Variants in SEMA5B observed in about 807,000 individuals in gnomAD.
SEMA5B encodes the protein semaphorin 5B, also known as semaphorin-5B.
SEMA5B carries 66 observed loss-of-function variants against 135.0 expected under a neutral mutation model. The observed-to-expected ratio is 0.49, with a 90% CI of 0.40 to 0.60. SEMA5B has a LOEUF of 0.60. SEMA5B is among the 20% of genes least tolerant of loss of function. The pLI is 0.00. For missense variants in SEMA5B, 1,501 were observed against 1,566.3 expected (o/e 0.96, Z 0.70); for synonymous variants, 690 against 639.5 (o/e 1.08, Z -1.19).
At chr3:122,961,444 C>T in intron 1 of SEMA5B, 143 bp from the exon 2 acceptor site, 2 of 751,184 alleles carry the variant, frequency 2.7e-6, no homozygotes, top group Non-Finnish European at 4.1e-6. Context: ...CAAATCACCA[C>T]AGTAATGGCT....
chr3:122,949,301 T>C (rs1004783459), intron 2 of SEMA5B, among the ~76,000 whole-genome samples: 5 of 152,160 alleles, frequency 3.3e-5, no homozygotes, highest in Admixed American at 1.3e-4. Context: ...ATCAAAATCA[T>C]AAGGAAAATG....
chr3:122,968,827 C>T (rs902271920), intron 1 of SEMA5B, among the ~76,000 whole-genome samples: 2 of 152,188 alleles, frequency 1.3e-5, no homozygotes, highest in Non-Finnish European at 1.5e-5. Context: ...AGCCAACATT[C>T]AAGGGTCCTA....
intron 1 of SEMA5B, among the ~76,000 whole-genome samples, chr3:123,017,925 A>G (rs917651903): frequency 6.6e-6 from 1 of 152,096 alleles, no homozygotes; most frequent in African/African-American, 2.4e-5. Flanking sequence ...AAAAGAAAAA[A>G]AAAAAAAAGG....
At chr3:122,928,800 C>T (rs758148113) in intron 6 of SEMA5B, among the ~76,000 whole-genome samples, 185 bp from the exon 7 acceptor site, 7 of 152,224 alleles carry the variant, frequency 4.6e-5, no homozygotes, top group East Asian at 1.9e-4. Flanking sequence ...GTCATTTCTC[C>T]GCATCACTGC....
At chr3:122,934,511 G>C (rs1939150776) in intron 5 of SEMA5B, among the ~76,000 whole-genome samples, 2 of 152,196 alleles carry the variant, frequency 1.3e-5, no homozygotes, top group South Asian at 4.1e-4. Context: ...TATAGGACAA[G>C]TGACGAGGTT....
At chr3:122,976,712 T>C (rs1394206938) in intron 1 of SEMA5B, among the ~76,000 whole-genome samples, 1 of 152,206 alleles carries the variant, frequency 6.6e-6, no homozygotes, top group African/African-American at 2.4e-5. Context: ...TCAAAGTAAG[T>C]TGCAGACATC....
chr3:122,998,906 A>C (rs1414991572), intron 1 of SEMA5B, among the ~76,000 whole-genome samples: 2 of 152,232 alleles, frequency 1.3e-5, no homozygotes, highest in Non-Finnish European at 2.9e-5. Context: ...AAATAGACTT[A>C]TTGACTTATA....
chr3:122,957,767 G>A (rs188774009), intron 2 of SEMA5B, among the ~76,000 whole-genome samples: 90 of 152,324 alleles, frequency 5.9e-4, no homozygotes, highest in African/African-American at 1.9e-3. Context: ...CAGTGAAGCT[G>A]GGATTTGAAT....
chr3:123,020,116 C>G (rs1942644125), intron 1 of SEMA5B, among the ~76,000 whole-genome samples: 2 of 152,128 alleles, frequency 1.3e-5, no homozygotes, highest in Admixed American at 1.3e-4. Context: ...TTGATAGGCA[C>G]AAAGATTAAT....
At chr3:123,004,959 T>C (rs1942269336) in intron 1 of SEMA5B, among the ~76,000 whole-genome samples, 1 of 152,180 alleles carries the variant, frequency 6.6e-6, no homozygotes, top group African/African-American at 2.4e-5. Flanking sequence ...CAGAATACTC[T>C]GTAGGAAAAA....
intron 1 of SEMA5B, among the ~76,000 whole-genome samples, chr3:122,988,508 C>A (rs566083995): frequency 8.5e-4 from 129 of 152,360 alleles, no homozygotes; most frequent in African/African-American, 2.9e-3. Context: ...AGGCAGACAG[C>A]AGCAGGAGGA....
Position 122,910,036 on chromosome 3 carries a change from T to A in SEMA5B, c.*107A>T. Reference sequence around the variant, plus strand: ...GACCCCCCACAGGCAAGGCAGCAAGTTCTTGGCCTAGTGCAGAGGGAGAAA... The same window carrying A: ...GACCCCCCACAGGCAAGGCAGCAAGATCTTGGCCTAGTGCAGAGGGAGAAA... On this transcript the variant is annotated 3_prime_UTR_variant, in exon 23 of 23. Transcript: ENST00000357599. The A allele has an allele frequency of 8.2e-7, 1 of 1,220,136 alleles. No individual in the cohort carries two copies. Among genetic ancestry groups the A allele is most frequent in the Non-Finnish European group, 1.1e-6 (1 of 878,368 alleles). The allele number at this position is 1,220,136 out of a possible 1,614,324, so 75.6% of individuals were successfully genotyped here.
At chr3:122,992,968 G>C (rs1011083972) in intron 1 of SEMA5B, 18 of 152,270 alleles carry the variant, frequency 1.2e-4, no homozygotes, top group African/African-American at 4.3e-4. Context: ...AGCAGACCTG[G>C]GGCCACAGGC....
Position 123,003,452 on chromosome 3 carries a change from A to G in SEMA5B, c.-39+24012T>C, listed in dbSNP as rs139824784. Among the ~76,000 whole-genome samples, 837 of 152,188 alleles carry G rather than the reference A, an allele frequency of 5.5e-3. 4 individuals carry two copies. The highest frequency in any genetic ancestry group is 0.019 in the African/African-American group (784 of 41,492). ...AACTTTAGAGATAAAAAAAAAAATCATGTAGTTCAGGTTCTTTCCATCTCT... is the reference window on the plus strand; with the variant it reads ...AACTTTAGAGATAAAAAAAAAAATCGTGTAGTTCAGGTTCTTTCCATCTCT... On this transcript the variant is annotated intron_variant, in intron 1 of 22. Transcript: ENST00000357599.
At chr3:122,964,740 G>A (rs956992521) in intron 1 of SEMA5B, among the ~76,000 whole-genome samples, 1 of 152,154 alleles carries the variant, frequency 6.6e-6, no homozygotes, top group East Asian at 1.9e-4. Flanking sequence ...CAAATGTTGA[G>A]TTCTTTAGCT....
chr3:122,936,333 G>C (rs1266130586), intron 5 of SEMA5B, among the ~76,000 whole-genome samples: 3 of 152,174 alleles, frequency 2.0e-5, no homozygotes, highest in Admixed American at 1.3e-4. Context: ...GAATGTCAAC[G>C]CATCTTTGGA....
intron 1 of SEMA5B, among the ~76,000 whole-genome samples, chr3:123,010,687 G>A (rs1942418727): frequency 6.6e-6 from 1 of 151,806 alleles, no homozygotes; most frequent in Non-Finnish European, 1.5e-5. Flanking sequence ...GCATGCGCCT[G>A]TAGTCCCAGC....
chr3:122,917,447 C>A (rs1189531470), intron 12 of SEMA5B, among the ~76,000 whole-genome samples: 1 of 152,170 alleles, frequency 6.6e-6, no homozygotes, highest in Admixed American at 6.5e-5. Flanking sequence ...CTAAGAGTTG[C>A]AGCTCTTGGC....
chr3:122,935,374 C>T (rs1939215020), intron 5 of SEMA5B, among the ~76,000 whole-genome samples: 1 of 152,106 alleles, frequency 6.6e-6, no homozygotes, highest in Admixed American at 6.6e-5. Flanking sequence ...CCCATCAGTG[C>T]CCTTTAGGAG....
Sources: allele counts gnomAD v4.1 joint callset (sites outside exome capture counted in the v4.1 genomes callset), GRCh38; gene constraint gnomAD v4.1.1; transcripts MANE v1.5; gene names NCBI Gene and HGNC (gene_info 2026-07-23, HGNC 2026-07-21).